Variants in RYR3 observed in about 807,000 individuals in gnomAD.
RYR3 encodes the protein ryanodine receptor 3.
Under a neutral mutation model 584.3 loss-of-function variants are expected in RYR3, and 207 were observed. That is an observed-to-expected ratio of 0.35 (90% CI 0.32 to 0.40). RYR3 has a LOEUF of 0.40. RYR3 is among the 10% of genes least tolerant of loss of function. The pLI, the probability that RYR3 is intolerant of heterozygous loss-of-function variation, is 1.00. For missense variants in RYR3, 5,616 were observed against 6,089.2 expected (o/e 0.92, Z 2.59); for synonymous variants, 2,416 against 2,248.5 (o/e 1.07, Z -2.11).
At chr15:33,749,928 A>C in intron 55 of RYR3, 51 bp from the exon 56 acceptor site, 1 of 1,550,440 alleles carries the variant, frequency 6.4e-7, no homozygotes, top group Non-Finnish European at 8.8e-7. Flanking sequence ...CTATGAAGCC[A>C]GCTTGCCTGC....
At chr15:33,823,774 T>C (rs1454398947) in intron 81 of RYR3, among the ~76,000 whole-genome samples, 1 of 152,238 alleles carries the variant, frequency 6.6e-6, no homozygotes, top group African/African-American at 2.4e-5. Context: ...GTCAGCTTAT[T>C]GTCTAAGATT....
intron 42 of RYR3, 141 bp downstream of exon 42, chr15:33,701,221 G>T (rs2066279535): frequency 1.7e-6 from 1 of 604,038 alleles, no homozygotes. Context: ...GAAAGAATGT[G>T]AGTAACCGGT....
intron 1 of RYR3, among the ~76,000 whole-genome samples, chr15:33,327,507 C>A (rs762680652): frequency 2.4e-4 from 37 of 152,166 alleles, no homozygotes; most frequent in African/African-American, 7.2e-5. Context: ...GAATTCAAAT[C>A]AACACAATCA....
At chr15:33,490,842 C>T (rs183182103) in intron 2 of RYR3, among the ~76,000 whole-genome samples, 1 of 151,918 alleles carries the variant, frequency 6.6e-6, no homozygotes, top group Admixed American at 6.6e-5. Context: ...GAAAAATGAG[C>T]CCTGTGGTTT....
chr15:33,539,684 A>G (rs1242863760), intron 6 of RYR3, among the ~76,000 whole-genome samples: 1 of 152,176 alleles, frequency 6.6e-6, no homozygotes, highest in Admixed American at 6.5e-5. Flanking sequence ...TTTTGATAAG[A>G]AGTAGCCTAC....
At chr15:33,312,781 G>C (rs1289395670) in intron 1 of RYR3, among the ~76,000 whole-genome samples, 2 of 152,204 alleles carry the variant, frequency 1.3e-5, no homozygotes, top group Non-Finnish European at 2.9e-5. Context: ...GGTGGTAGTT[G>C]TTGTGAGATC....
rs2078629837 is a variant in RYR3, at chr15:33,845,076, C to T, written c.13497+14C>T. The T allele has an allele frequency of 6.2e-7, 1 of 1,612,604 alleles. No individual in the cohort carries two copies. The highest frequency in any genetic ancestry group is 8.5e-7 in the Non-Finnish European group (1 of 1,178,868). ...TACTGCCTGAAGGTGAGCTGTTTGCCACTCTGGATCTAATCTCACTCCTTG... is the reference window on the plus strand; with the variant it reads ...TACTGCCTGAAGGTGAGCTGTTTGCTACTCTGGATCTAATCTCACTCCTTG... On this transcript the variant is annotated intron_variant, in intron 93 of 103. Transcript: ENST00000634891.
intron 1 of RYR3, among the ~76,000 whole-genome samples, chr15:33,460,424 C>T (rs1311172865): frequency 6.6e-6 from 1 of 152,166 alleles, no homozygotes; most frequent in African/African-American, 2.4e-5. Context: ...ACAAAAGAGC[C>T]TTGTGTAAAT....
intron 70 of RYR3, among the ~76,000 whole-genome samples, chr15:33,809,692 A>G (rs2076412337): frequency 6.8e-6 from 1 of 147,158 alleles, no homozygotes; most frequent in Non-Finnish European, 1.5e-5. Flanking sequence ...CTGTAGTGCC[A>G]TGGCGTGATC....
chr15:33,792,560 A>G (rs992707475), intron 67 of RYR3, among the ~76,000 whole-genome samples: 3 of 152,220 alleles, frequency 2.0e-5, no homozygotes, highest in African/African-American at 7.2e-5. Context: ...AAAGGTTGAA[A>G]GTCTCTAATG....
chr15:33,648,501 A>G (rs968835318), intron 30 of RYR3, among the ~76,000 whole-genome samples: 1 of 152,244 alleles, frequency 6.6e-6, no homozygotes, highest in Admixed American at 6.5e-5. Context: ...GTACTTCTCA[A>G]TACTGACTGT....
chr15:33,728,836 C>G, intron 46 of RYR3, 21 bp from the exon 47 acceptor site: 1 of 1,601,438 alleles, frequency 6.2e-7, no homozygotes, highest in South Asian at 1.1e-5. Flanking sequence ...AGGGAAATTA[C>G]ATTTTCTATG....
chr15:33,359,263 C>T (rs1021275150), intron 1 of RYR3, among the ~76,000 whole-genome samples: 29 of 152,212 alleles, frequency 1.9e-4, no homozygotes, highest in African/African-American at 7.0e-4. Context: ...AATAACAACA[C>T]AACAAACAGA....
intron 10 of RYR3, among the ~76,000 whole-genome samples, chr15:33,552,992 C>T (rs2141268637): frequency 1.3e-5 from 2 of 152,258 alleles, no homozygotes; most frequent in Admixed American, 1.3e-4. Flanking sequence ...AATCATCTCG[C>T]CAGCCCTTGC....
At chr15:33,422,954 A>G (rs1383678993) in intron 1 of RYR3, among the ~76,000 whole-genome samples, 2 of 152,212 alleles carry the variant, frequency 1.3e-5, no homozygotes, top group Admixed American at 6.5e-5. Context: ...AACTTTGCAT[A>G]TTAGTGTTTT....
chr15:33,398,205 A>AT (rs938914185), intron 1 of RYR3, among the ~76,000 whole-genome samples: 2 of 152,206 alleles, frequency 1.3e-5, no homozygotes, highest in African/African-American at 4.8e-5. Context: ...TTTTCCAAGG[A>AT]TTTTTTCAGA....
At chr15:33,737,684 G>A (rs1180031901) in intron 49 of RYR3, among the ~76,000 whole-genome samples, 1 of 152,124 alleles carries the variant, frequency 6.6e-6, no homozygotes, top group African/African-American at 2.4e-5. Flanking sequence ...TACTTTAACT[G>A]AAAACCATAG....
At chr15:33,671,151 C>T (rs1189208170) in intron 38 of RYR3, among the ~76,000 whole-genome samples, 2 of 152,096 alleles carry the variant, frequency 1.3e-5, no homozygotes, top group Non-Finnish European at 1.5e-5. Flanking sequence ...CGTTTTGACC[C>T]ATGATGAAAC....
At chr15:33,786,031 G>A in intron 66 of RYR3, 49 bp downstream of exon 66, 1 of 1,409,162 alleles carries the variant, frequency 7.1e-7, no homozygotes, top group South Asian at 1.5e-5. Context: ...CAAGATAACT[G>A]GATTCTTTTT....
Sources: gnomAD v4.1 joint callset for allele counts (sites outside exome capture counted in the v4.1 genomes callset) on GRCh38, gnomAD v4.1.1 for gene constraint, MANE v1.5 for transcripts, NCBI Gene and HGNC (gene_info 2026-07-23, HGNC 2026-07-21) for gene names.